The following MAGI2 variants were observed in gnomAD, a reference collection of about 807,000 sequenced individuals.
MAGI2 encodes the protein membrane-associated guanylate kinase, WW and PDZ domain-containing protein 2.
In MAGI2, 35 loss-of-function variants were observed where a neutral mutation model predicts 133.3. The observed-to-expected ratio is 0.26, with a 90% CI of 0.20 to 0.35. The LOEUF is 0.35. Ranked by LOEUF, MAGI2 falls within the 10% of genes least tolerant of loss-of-function variation. The pLI, the probability that MAGI2 is intolerant of heterozygous loss-of-function variation, is 1.00. For synonymous variants in MAGI2, 729 were observed against 710.6 expected (o/e 1.03, Z -0.41); for missense variants, 1,636 against 1,863.4 (o/e 0.88, Z 2.25).
At chr7:78,139,169 TGTAA>T (rs1335592980) in intron 16 of MAGI2, among the ~76,000 whole-genome samples, 1 of 152,212 alleles carries the variant, frequency 6.6e-6, no homozygotes, top group African/African-American at 2.4e-5. Flanking sequence ...TTGCATAAAA[TGTAA>T]GTGAGCACAC....
intron 1 of MAGI2, among the ~76,000 whole-genome samples, chr7:79,370,919 A>AT (rs1843008750): frequency 1.3e-5 from 2 of 151,946 alleles, no homozygotes; most frequent in African/African-American, 2.4e-5. Context: ...GTTCATGGGC[A>AT]TTTTTTTCTC....
intron 2 of MAGI2, among the ~76,000 whole-genome samples, chr7:78,872,826 G>A (rs895845780): frequency 1.3e-5 from 2 of 151,038 alleles, no homozygotes; most frequent in Admixed American, 6.6e-5. Flanking sequence ...GTTATGTTAT[G>A]AGAATAACCA....
intron 1 of MAGI2, among the ~76,000 whole-genome samples, chr7:79,288,160 C>A (rs1308440663): frequency 2.0e-5 from 3 of 152,116 alleles, no homozygotes; most frequent in Non-Finnish European, 2.9e-5. Flanking sequence ...AGCCAGACTG[C>A]CTGTGTTCAA....
At chr7:78,527,006 CAAAAAAAAAAAAAAAAAAAAAA>C (rs55707442) in intron 3 of MAGI2, among the ~76,000 whole-genome samples, 12 of 45,412 alleles carry the variant, frequency 2.6e-4, no homozygotes, top group African/African-American at 8.2e-4. Flanking sequence ...GACTCCATCT[CAAAAAAAAAAAAAAAAAAAAAA>C]AAAAAAGAAA....
chr7:79,045,709 G>A (rs564662434), intron 1 of MAGI2, among the ~76,000 whole-genome samples: 3 of 152,180 alleles, frequency 2.0e-5, no homozygotes, highest in African/African-American at 4.8e-5. Context: ...GGAGAATGGC[G>A]TGAACCCGGG....
chr7:79,136,822 A>G (rs1257747968), intron 1 of MAGI2, among the ~76,000 whole-genome samples: 1 of 152,142 alleles, frequency 6.6e-6, no homozygotes, highest in East Asian at 1.9e-4. Context: ...GTTGCCTTAC[A>G]CATATATGTG....
At chr7:78,670,510 A>C (rs556014989) in intron 2 of MAGI2, among the ~76,000 whole-genome samples, 28 of 152,322 alleles carry the variant, frequency 1.8e-4, no homozygotes, top group Non-Finnish European at 3.5e-4. Context: ...GGTAATTTAT[A>C]GATTCAATGC....
intron 1 of MAGI2, among the ~76,000 whole-genome samples, chr7:79,028,126 C>T (rs1294962587): frequency 8.6e-5 from 13 of 150,558 alleles, no homozygotes. Flanking sequence ...GCAGGAGAAT[C>T]GCTTGAACCC....
intron 6 of MAGI2, among the ~76,000 whole-genome samples, chr7:78,412,922 C>A (rs528180516): frequency 6.6e-6 from 1 of 151,924 alleles, no homozygotes; most frequent in African/African-American, 2.4e-5. Context: ...TGAATGCTTC[C>A]GAAAGGTGGC....
In MAGI2 at chr7:79,397,439, A is replaced by G. The variant is rs1039458791; in HGVS notation, c.301+55581T>C. On this transcript the variant is annotated intron_variant, in intron 1 of 21. Coordinates refer to ENST00000354212, the MANE Select transcript of MAGI2 (RefSeq NM_012301.4). ...TTTACATTATCAGTTTTACTGTAAT[A>G]GTTTAAAGTAAATATTTATGTATAT... Among the ~76,000 whole-genome samples, 6 of 152,012 alleles carry G rather than the reference A, an allele frequency of 3.9e-5. No homozygotes were observed. In the East Asian group the frequency reaches 1.2e-3, roughly 29 times the overall value.
chr7:78,149,732 A>G (rs926766005), intron 16 of MAGI2, among the ~76,000 whole-genome samples: 24 of 152,190 alleles, frequency 1.6e-4, no homozygotes, highest in Admixed American at 8.5e-4. Context: ...TCTCATGATG[A>G]ATCCGTAAGT....
intron 1 of MAGI2, among the ~76,000 whole-genome samples, chr7:79,422,751 G>A (rs750046593): frequency 4.6e-5 from 7 of 151,968 alleles, no homozygotes; most frequent in African/African-American, 7.2e-5. Flanking sequence ...GGTTCCCAGT[G>A]TGCAAAAACA....
At chr7:79,011,774 A>C (rs1808122567) in intron 1 of MAGI2, among the ~76,000 whole-genome samples, 1 of 152,086 alleles carries the variant, frequency 6.6e-6, no homozygotes, top group African/African-American at 2.4e-5. Context: ...ACACTCAACA[A>C]AATACTGTGG....
chr7:78,202,420 C>G, intron 10 of MAGI2, among the ~76,000 whole-genome samples: 1 of 152,074 alleles, frequency 6.6e-6, no homozygotes, highest in South Asian at 2.1e-4. Context: ...CAGTGGCTCA[C>G]ACCTGTAATT....
At chr7:79,083,433 A>C (rs149732466) in intron 1 of MAGI2, among the ~76,000 whole-genome samples, 110 of 151,466 alleles carry the variant, frequency 7.3e-4, no homozygotes, top group African/African-American at 2.5e-3. Flanking sequence ...TATATTGAAA[A>C]TATTATCTTG....
intron 20 of MAGI2, among the ~76,000 whole-genome samples, chr7:78,088,925 G>A (rs1367897057): frequency 2.0e-5 from 3 of 152,196 alleles, no homozygotes; most frequent in Non-Finnish European, 2.9e-5. Context: ...AATCACAAAG[G>A]TCAAAGTCTG....
intron 2 of MAGI2, among the ~76,000 whole-genome samples, chr7:78,967,625 T>G (rs1803439250): frequency 1.7e-5 from 2 of 118,608 alleles, no homozygotes; most frequent in African/African-American, 4.4e-5. Flanking sequence ...TTTTTTTTTA[T>G]ATATATATAG....
intron 20 of MAGI2, among the ~76,000 whole-genome samples, chr7:78,089,413 G>A (rs115057961): frequency 0.015 from 2,233 of 152,270 alleles, 58 homozygotes; most frequent in African/African-American, 0.051. Context: ...GCACTGGGGT[G>A]GGGTAGGTGT....
At chr7:78,081,883 G>C (rs1178260826) in intron 20 of MAGI2, among the ~76,000 whole-genome samples, 1 of 152,178 alleles carries the variant, frequency 6.6e-6, no homozygotes, top group African/African-American at 2.4e-5. Context: ...GAGACATTAG[G>C]AGGCTGTGGG....
Sources: allele counts gnomAD v4.1 joint callset (sites outside exome capture counted in the v4.1 genomes callset), GRCh38; gene constraint gnomAD v4.1.1; transcripts MANE v1.5; gene names NCBI Gene and HGNC (gene_info 2026-07-23, HGNC 2026-07-21).